Variants in PRKG1 observed in about 807,000 individuals in gnomAD.
PRKG1 encodes the protein cGMP-dependent protein kinase 1.
A neutral mutation model predicts 88.1 loss-of-function variants in PRKG1; 35 were observed. The observed-to-expected ratio is 0.40, with a 90% CI of 0.30 to 0.53. The LOEUF (loss-of-function observed/expected upper bound fraction) is 0.53. Ranked by LOEUF, PRKG1 falls within the 20% of genes least tolerant of loss-of-function variation. The pLI is 0.59. For missense variants in PRKG1, 540 were observed against 839.8 expected (o/e 0.64, Z 4.41); for synonymous variants, 303 against 292.5 (o/e 1.04, Z -0.37).
At chr10:51,410,844 TGTA>T (rs1197068405) in intron 2 of PRKG1, among the ~76,000 whole-genome samples, 2 of 151,534 alleles carry the variant, frequency 1.3e-5, no homozygotes, top group South Asian at 2.1e-4. Flanking sequence ...AATATACACT[TGTA>T]GTCAAATATA....
intron 12 of PRKG1, among the ~76,000 whole-genome samples, chr10:52,277,252 GA>G (rs1211908222): frequency 4.9e-4 from 74 of 152,234 alleles, no homozygotes; most frequent in Admixed American, 7.9e-4. Flanking sequence ...AAAGAACAGA[GA>G]TTAGCAAAGG....
At chr10:51,981,085 T>C (rs1182572934) in intron 5 of PRKG1, among the ~76,000 whole-genome samples, 1 of 152,216 alleles carries the variant, frequency 6.6e-6, no homozygotes, top group African/African-American at 2.4e-5. Context: ...GTCACTGGTC[T>C]GTGTACCTAA....
At chr10:51,847,519 G>T (rs903444422) in intron 4 of PRKG1, among the ~76,000 whole-genome samples, 2 of 151,516 alleles carry the variant, frequency 1.3e-5, no homozygotes, top group Non-Finnish European at 2.9e-5. Flanking sequence ...CATTGCAAAT[G>T]ATTCTCCAGA....
intron 2 of PRKG1, among the ~76,000 whole-genome samples, chr10:51,293,813 A>G (rs375515241): frequency 3.0e-4 from 46 of 152,240 alleles, no homozygotes; most frequent in Middle Eastern, 6.8e-3. Context: ...CACAATGGCT[A>G]TACCAGTTTA....
At chr10:51,212,898 T>A (rs1359577739) in intron 2 of PRKG1, among the ~76,000 whole-genome samples, 2 of 152,180 alleles carry the variant, frequency 1.3e-5, no homozygotes, top group African/African-American at 2.4e-5. Context: ...ATTGTGGAAG[T>A]CAGTGTGGCG....
rs1554793245 is a variant in PRKG1, at chr10:52,024,318, T to TTTTGTG, written c.763-30163_763-30162insGTGTTT. ...TTATTCATTTATTTATTTATTTAACTTTTTTTTTTATTCTTTTTTTTATTA... is the reference window on the plus strand; with the variant it reads ...TTATTCATTTATTTATTTATTTAACTTTTGTGTTTTTTTTTATTCTTTTTTTTATTA... On this transcript the variant is annotated intron_variant, in intron 5 of 17. Coordinates refer to ENST00000373980, the MANE Select transcript of PRKG1 (RefSeq NM_006258.4). Among the ~76,000 whole-genome samples the TTTTGTG allele has an allele frequency of 2.0e-3, 278 of 141,214 alleles. 2 individuals are homozygous for TTTTGTG. Among genetic ancestry groups the TTTTGTG allele is most frequent in the African/African-American group, 7.1e-3 (267 of 37,854 alleles). The allele number at this position is 141,214 out of a possible 152,430, so 92.6% of individuals were successfully genotyped here. A position where few individuals can be genotyped will look rare whatever the true frequency, so the allele number is the denominator to read the frequency against.
intron 1 of PRKG1, among the ~76,000 whole-genome samples, chr10:51,038,549 T>C (rs1464164316): frequency 6.6e-6 from 1 of 152,194 alleles, no homozygotes; most frequent in Non-Finnish European, 1.5e-5. Context: ...TCTTTTGAAT[T>C]TTATCTCCCA....
intron 2 of PRKG1, among the ~76,000 whole-genome samples, chr10:51,214,638 A>C (rs550861749): frequency 1.3e-5 from 2 of 149,678 alleles, no homozygotes; most frequent in East Asian, 4.1e-4. Context: ...CCACACCCCC[A>C]GCTATATTTT....
At chr10:51,530,112 C>G (rs1433350750) in intron 3 of PRKG1, among the ~76,000 whole-genome samples, 1 of 152,126 alleles carries the variant, frequency 6.6e-6, no homozygotes, top group Non-Finnish European at 1.5e-5. Flanking sequence ...AGAATCATAG[C>G]ATTTTTCTAT....
intron 1 of PRKG1, among the ~76,000 whole-genome samples, chr10:51,109,438 A>G (rs979696604): frequency 6.6e-6 from 1 of 152,110 alleles, no homozygotes; most frequent in African/African-American, 2.4e-5. Context: ...CAACACATAT[A>G]TAGATACATG....
rs77810565 is a variant in PRKG1 at position 51,187,606 on chromosome 10, G to T, written c.478+34276G>T. On this transcript the variant is annotated intron_variant, in intron 2 of 17. Transcript: ENST00000373980. ...GGGCAAACCAAATTCAAATTATTTA[G>T]GTAGAAATTAGAATAATTTATTTTC... is the stretch of plus-strand genomic sequence containing the variant. Among the ~76,000 whole-genome samples the T allele has an allele frequency of 5.2e-3, 791 of 151,968 alleles. 11 individuals carry two copies. The highest frequency in any genetic ancestry group is 0.017 in the African/African-American group (725 of 41,500).
intron 2 of PRKG1, among the ~76,000 whole-genome samples, chr10:51,393,546 G>C (rs1336773689): frequency 6.6e-6 from 1 of 152,196 alleles, no homozygotes; most frequent in Non-Finnish European, 1.5e-5. Flanking sequence ...TAATTAATAA[G>C]AAGCAAAGGA....
chr10:51,237,302 C>T (rs74885225), intron 2 of PRKG1, among the ~76,000 whole-genome samples: 31 of 152,252 alleles, frequency 2.0e-4, no homozygotes, highest in East Asian at 1.7e-3. Flanking sequence ...TAGCTACTGG[C>T]GCCAAAGAGT....
chr10:51,991,080 G>A (rs1245458790), intron 5 of PRKG1, among the ~76,000 whole-genome samples: 1 of 151,932 alleles, frequency 6.6e-6, no homozygotes, highest in Admixed American at 6.6e-5. Context: ...ATTTCTAAGT[G>A]TCTTTTTTAT....
At chr10:51,784,815 C>G (rs951364601) in intron 3 of PRKG1, among the ~76,000 whole-genome samples, 1 of 152,056 alleles carries the variant, frequency 6.6e-6, no homozygotes, top group Admixed American at 6.6e-5. Context: ...GAAAAATAAT[C>G]ATAGCTTTTG....
intron 14 of PRKG1, among the ~76,000 whole-genome samples, chr10:52,286,553 A>T (rs1236622078): frequency 6.6e-6 from 1 of 152,064 alleles, no homozygotes; most frequent in Non-Finnish European, 1.5e-5. Context: ...AACAGAATGT[A>T]AATATTGTAG....
chr10:51,403,286 C>A (rs1837809392), intron 2 of PRKG1, among the ~76,000 whole-genome samples: 3 of 152,112 alleles, frequency 2.0e-5, no homozygotes, highest in Admixed American at 2.0e-4. Flanking sequence ...CTACATATGG[C>A]ATGTTAATGC....
At chr10:52,121,623 C>T (rs1433963557) in intron 7 of PRKG1, among the ~76,000 whole-genome samples, 3 of 152,168 alleles carry the variant, frequency 2.0e-5, no homozygotes, top group South Asian at 2.1e-4. Flanking sequence ...AGCCCTAGGG[C>T]GTGGACATAA....
intron 5 of PRKG1, among the ~76,000 whole-genome samples, chr10:52,016,971 G>C (rs941370478): frequency 1.5e-4 from 23 of 152,124 alleles, no homozygotes; most frequent in African/African-American, 5.6e-4. Flanking sequence ...GAGGTAGCCA[G>C]GTGACAAATT....
Sources: gnomAD v4.1 joint callset for allele counts (sites outside exome capture counted in the v4.1 genomes callset) on GRCh38, gnomAD v4.1.1 for gene constraint, MANE v1.5 for transcripts, NCBI Gene and HGNC (gene_info 2026-07-23, HGNC 2026-07-21) for gene names.